Variants in B3GLCT observed in about 807,000 individuals in gnomAD.
B3GLCT encodes the protein beta-1,3-glucosyltransferase.
A neutral mutation model predicts 63.4 loss-of-function variants in B3GLCT; 65 were observed. The ratio of observed to expected loss-of-function variants is 1.03; its 90% confidence interval spans 0.84 to 1.26. B3GLCT has a LOEUF of 1.26. Ranked by LOEUF, B3GLCT falls within the 50% of genes most tolerant of loss-of-function variation. The pLI, the probability that B3GLCT is intolerant of heterozygous loss-of-function variation, is 0.00. For synonymous variants in B3GLCT, 233 were observed against 219.2 expected (o/e 1.06, Z -0.55); for missense variants, 577 against 604.8 (o/e 0.95, Z 0.48).
intron 7 of B3GLCT, among the ~76,000 whole-genome samples, chr13:31,263,806 G>A (rs1444847007): frequency 6.6e-6 from 1 of 152,106 alleles, no homozygotes; most frequent in Non-Finnish European, 1.5e-5. Flanking sequence ...CTTCCATAGC[G>A]GTTTCACATC....
chr13:31,215,081 A>T lies in B3GLCT; in HGVS notation c.101A>T (p.Lys34Ile). Residue 34 changes from lysine to isoleucine, a missense_variant, in exon 2 of 15, where the codon AAA (lysine) becomes ATA (isoleucine). By Grantham distance (102) the Lys-to-Ile change is moderately radical. Transcript: ENST00000343307. The part of the protein sequence containing the change: ...AFGLASEDTK[K>I]EVKQSQDLEK... ...GGTTTGGCTTCTGAAGATACAAAGAAAGAGGTCAAGCAGTCTCAGGTACTA... is the reference window on the plus strand; with the variant it reads ...GGTTTGGCTTCTGAAGATACAAAGATAGAGGTCAAGCAGTCTCAGGTACTA... 2 of 1,611,552 alleles carry T rather than the reference A, an allele frequency of 1.2e-6. No individual in the cohort carries two copies. The highest frequency in any genetic ancestry group is 1.7e-6 in the Non-Finnish European group (2 of 1,179,788).
chr13:31,246,354 A>G lies in B3GLCT; in HGVS notation c.271-669A>G, dbSNP rs549652193. Reference sequence around the variant, plus strand: ...AATATTAATCTCTCTTTATATATGTATACATAATTTATGTAAGCACAGTTG... The same window carrying G: ...AATATTAATCTCTCTTTATATATGTGTACATAATTTATGTAAGCACAGTTG... On this transcript the variant is annotated intron_variant, in intron 4 of 14. Coordinates refer to ENST00000343307, the MANE Select transcript of B3GLCT (RefSeq NM_194318.4). 2.0e-5 allele frequency among the ~76,000 whole-genome samples: 3 copies of G among 152,354 alleles called. No individual in the cohort carries two copies. In the South Asian group the frequency reaches 6.2e-4, roughly 32 times the overall value.
chr13:31,275,104 A>G (rs1246987287), intron 9 of B3GLCT, among the ~76,000 whole-genome samples: 1 of 152,198 alleles, frequency 6.6e-6, no homozygotes, highest in African/African-American at 2.4e-5. Context: ...GTCCACCATT[A>G]ATGGGCACCT....
chr13:31,229,340 T>C, intron 4 of B3GLCT, 46 bp downstream of exon 4: 1 of 1,149,864 alleles, frequency 8.7e-7, no homozygotes, highest in Non-Finnish European at 1.3e-6. Flanking sequence ...TATTTCTTGA[T>C]TACCTTGATG....
intron 8 of B3GLCT, among the ~76,000 whole-genome samples, chr13:31,269,493 T>G (rs1243169175): frequency 6.6e-6 from 1 of 152,200 alleles, no homozygotes; most frequent in Non-Finnish European, 1.5e-5. Flanking sequence ...GGTTGCATCT[T>G]GTGATTCATG....
rs148847458 is a variant in B3GLCT, at chr13:31,308,647, A to G, written c.1065-8919A>G. Among the ~76,000 whole-genome samples the G allele has an allele frequency of 2.4e-3, 358 of 152,292 alleles. 1 individual carries two copies. Among genetic ancestry groups the G allele is most frequent in the African/African-American group, 7.6e-3 (318 of 41,570 alleles). Reference sequence around the variant, plus strand: ...TTCTGCAGCATTCAAAACCAAAGATACTGCCCCTAAATTAGTTATTCTCAT... The same window carrying G: ...TTCTGCAGCATTCAAAACCAAAGATGCTGCCCCTAAATTAGTTATTCTCAT... On this transcript the variant is annotated intron_variant, in intron 12 of 14. Transcript: ENST00000343307.
chr13:31,305,301 TAGC>T (rs1874367340), intron 12 of B3GLCT, among the ~76,000 whole-genome samples: 1 of 111,592 alleles, frequency 9.0e-6, no homozygotes, highest in Admixed American at 1.1e-4. Context: ...ATTCAAAAGC[TAGC>T]AGAAGGCAAG....
At chr13:31,325,657 A>G (rs1307918167) in intron 14 of B3GLCT, among the ~76,000 whole-genome samples, 1 of 152,162 alleles carries the variant, frequency 6.6e-6, no homozygotes, top group Non-Finnish European at 1.5e-5. Context: ...TATGTTTAAA[A>G]CCTATCCTCC....
chr13:31,248,420 T>C (rs1458886390), intron 6 of B3GLCT, among the ~76,000 whole-genome samples: 2 of 152,162 alleles, frequency 1.3e-5, no homozygotes, highest in Non-Finnish European at 2.9e-5. Context: ...TGGCACAGAA[T>C]AGCAGGGAGA....
In B3GLCT at chr13:31,330,906, A is replaced by T. The variant is rs2137960965; in HGVS notation, c.*1238A>T. 1 of 152,306 alleles carries T rather than the reference A, an allele frequency of 6.6e-6. No individual in the cohort carries two copies. The highest frequency in any genetic ancestry group is 6.5e-5 in the Admixed American group (1 of 15,296). The allele number at this position is 152,306 out of a possible 1,614,324, so 9.4% of individuals were successfully genotyped here. ...CTTTTTATAGCCCAGCACAGAATTT[A>T]AAGCCATACCACCAAAAGTACCTGT... is the stretch of plus-strand genomic sequence containing the variant. On this transcript the variant is annotated 3_prime_UTR_variant, in exon 15 of 15. Coordinates refer to ENST00000343307, the MANE Select transcript of B3GLCT (RefSeq NM_194318.4).
chr13:31,225,381 T>TCTGG (rs1870044490), intron 3 of B3GLCT, among the ~76,000 whole-genome samples: 1 of 152,134 alleles, frequency 6.6e-6, no homozygotes. Flanking sequence ...CAAGATAAGC[T>TCTGG]CTGGGATCTG....
chr13:31,254,626 A>G (rs1271402343), intron 6 of B3GLCT, among the ~76,000 whole-genome samples: 1 of 151,976 alleles, frequency 6.6e-6, no homozygotes, highest in Non-Finnish European at 1.5e-5. Context: ...CTTCCTCACC[A>G]CTCTTATTCA....
chr13:31,254,260 A>T (rs1871602076), intron 6 of B3GLCT, among the ~76,000 whole-genome samples: 1 of 152,228 alleles, frequency 6.6e-6, no homozygotes, highest in Non-Finnish European at 1.5e-5. Flanking sequence ...TCCCTGATGA[A>T]CATCAATGCG....
At position 31,325,208 on chromosome 13, in the gene B3GLCT, A is replaced by C. The variant is rs1249424168; in HGVS notation, c.1329+1313A>C. Among the ~76,000 whole-genome samples, 4 of 152,362 alleles carry C rather than the reference A, an allele frequency of 2.6e-5. No individual in the cohort carries two copies. In the East Asian group the frequency reaches 7.7e-4, roughly 29 times the overall value. ...AGAGACCTTTAATATAAGGAAATGT[A>C]TGAGAAACCTCCTTCCTGGTGTCAG... On this transcript the variant is annotated intron_variant, in intron 14 of 14. Coordinates refer to ENST00000343307, the MANE Select transcript of B3GLCT (RefSeq NM_194318.4).
intron 3 of B3GLCT, among the ~76,000 whole-genome samples, chr13:31,228,373 G>GTA (rs1300236343): frequency 2.0e-5 from 3 of 152,240 alleles, no homozygotes; most frequent in African/African-American, 7.2e-5. Context: ...CATTCTTGAA[G>GTA]TAGTGTAGTA....
chr13:31,265,565 T>C (rs1037177086), intron 7 of B3GLCT, among the ~76,000 whole-genome samples: 1 of 152,236 alleles, frequency 6.6e-6, no homozygotes, highest in Admixed American at 6.5e-5. Flanking sequence ...ACCAAAATTT[T>C]ATTTGGCCTA....
At chr13:31,254,952 G>A (rs1382035561) in intron 6 of B3GLCT, among the ~76,000 whole-genome samples, 2 of 151,064 alleles carry the variant, frequency 1.3e-5, no homozygotes, top group African/African-American at 2.4e-5. Context: ...CAGGAGAATC[G>A]CTTGAAGCCG....
intron 1 of B3GLCT, among the ~76,000 whole-genome samples, chr13:31,200,804 G>C (rs1243608730): frequency 2.0e-5 from 3 of 152,084 alleles, no homozygotes; most frequent in Non-Finnish European, 4.4e-5. Flanking sequence ...GAGGAGGACA[G>C]GGGCGCCCGC....
intron 14 of B3GLCT, among the ~76,000 whole-genome samples, chr13:31,324,849 C>T (rs750444317): frequency 1.5e-4 from 23 of 152,088 alleles, no homozygotes; most frequent in Non-Finnish European, 2.6e-4. Flanking sequence ...GGACTACAGG[C>T]GCACACCGCC....
Sources: gnomAD v4.1 joint callset for allele counts (sites outside exome capture counted in the v4.1 genomes callset) on GRCh38, gnomAD v4.1.1 for gene constraint, MANE v1.5 for transcripts, NCBI Gene and HGNC (gene_info 2026-07-23, HGNC 2026-07-21) for gene names.